The following UBR4 variants were observed in gnomAD, a reference collection of about 807,000 sequenced individuals.
UBR4 encodes E3 ubiquitin-protein ligase UBR4.
Under a neutral mutation model 575.6 loss-of-function variants are expected in UBR4, and 124 were observed. That is an observed-to-expected ratio of 0.22 (90% CI 0.19 to 0.25). The LOEUF (loss-of-function observed/expected upper bound fraction) is 0.25, where lower values mean the gene tolerates loss of function less well. UBR4 is among the 10% of genes least tolerant of loss of function. UBR4 has a pLI of 1.00. For missense variants in UBR4, 4,818 were observed against 6,478.8 expected, an observed-to-expected ratio of 0.74 and a Z score of 8.80; for synonymous variants, 2,455 against 2,473.7, an observed-to-expected ratio of 0.99 and a Z score of 0.22.
Position 19,193,563 on chromosome 1 carries a change from A to G in UBR4, c.1019-6T>C. 1 of 1,612,590 alleles carries G rather than the reference A, an allele frequency of 6.2e-7. No homozygotes were observed. Among genetic ancestry groups the G allele is most frequent in the Non-Finnish European group, 8.5e-7 (1 of 1,179,140 alleles). ...GCACGTTGCCACACTCACACCTGAA[A>G]AAGAAGATGCACAGGTCTCAGCCAT... On this transcript the variant is annotated splice_polypyrimidine_tract_variant and splice_region_variant and intron_variant, in intron 8 of 105. Coordinates refer to ENST00000375254, the MANE Select transcript of UBR4 (RefSeq NM_020765.3).
Position 19,112,660 on chromosome 1 carries a change from C to A in UBR4, c.11665G>T (p.Ala3889Ser). 6.2e-7 allele frequency: 1 copy of A among 1,614,236 alleles called. No individual in the cohort carries two copies. Among genetic ancestry groups the A allele is most frequent in the Non-Finnish European group, 8.5e-7 (1 of 1,180,036 alleles). Residue 3889 changes from alanine (A) to serine (S), a missense_variant, in exon 78 of 106, where the codon GCC becomes TCC. By Grantham distance (99) the Ala-to-Ser change is moderately conservative. Transcript: ENST00000375254. Reference sequence around the variant, plus strand: ...CTCAAGGCTGGGTTGGTGGCCAGGGCCCGAAGTAGTGTGATACAATGTTCT... The same window carrying A: ...CTCAAGGCTGGGTTGGTGGCCAGGGACCGAAGTAGTGTGATACAATGTTCT... ...VTEHCITLLRALATNPALRHI... is the reference protein window; with the variant it reads ...VTEHCITLLRSLATNPALRHI...
In UBR4 at chr1:19,198,765, G is replaced by C. The variant is rs552890245; in HGVS notation, c.508+34C>G. The C allele has an allele frequency of 2.5e-6, 4 of 1,613,280 alleles. No individual in the cohort carries two copies. The African/African-American group carries it at 5.3e-5, about 21-fold the overall frequency. ...CCATGGAAAAGGTGCCATGGGGGTGGTCATGTGATCAGATCTGTCAAAGGA... is the reference window on the plus strand; with the variant it reads ...CCATGGAAAAGGTGCCATGGGGGTGCTCATGTGATCAGATCTGTCAAAGGA... On this transcript the variant is annotated intron_variant, in intron 4 of 105. Transcript: ENST00000375254.
intron 74 of UBR4, among the ~76,000 whole-genome samples, 199 bp downstream of exon 74, chr1:19,115,199 G>GCACACACA (rs61661086): frequency 5.5e-5 from 7 of 127,058 alleles, no homozygotes; most frequent in African/African-American, 2.1e-4. Context: ...GTGTGCACAT[G>GCACACACA]CACACACACA....
chr1:19,201,827 A>G lies in UBR4; in HGVS notation c.177-12T>C. ...GGATTTCTGATTCACTGTAAAAATA[A>G]TAATAATTCAGCCAGCATCTGCTTA... On this transcript the variant is annotated splice_polypyrimidine_tract_variant and intron_variant, in intron 1 of 105. Coordinates refer to ENST00000375254, the MANE Select transcript of UBR4 (RefSeq NM_020765.3). 1 of 1,612,344 alleles carries G rather than the reference A, an allele frequency of 6.2e-7. No individual in the cohort carries two copies. The highest frequency in any genetic ancestry group is 8.5e-7 in the Non-Finnish European group (1 of 1,178,596).
At chr1:19,121,908 C>G (rs755293815) in intron 67 of UBR4, 26 bp downstream of exon 67, 1 of 1,613,504 alleles carries the variant, frequency 6.2e-7, no homozygotes, top group East Asian at 2.2e-5. Flanking sequence ...TGAATAACAG[C>G]AATCAAAAGG....
At chr1:19,124,508 C>T (rs2081522444) in intron 65 of UBR4, 33 bp downstream of exon 65, 2 of 1,611,304 alleles carry the variant, frequency 1.2e-6, no homozygotes, top group Admixed American at 3.3e-5. Context: ...TGTCCTCAGC[C>T]CAACAAGCAT....
chr1:19,075,774 G>C (rs528285732), intron 105 of UBR4, among the ~76,000 whole-genome samples: 1 of 152,350 alleles, frequency 6.6e-6, no homozygotes, highest in African/African-American at 2.4e-5. Flanking sequence ...CCCTTTAGTG[G>C]GTCTCATTCC....
At chr1:19,147,276 T>G (rs2085002312) in intron 51 of UBR4, among the ~76,000 whole-genome samples, 1 of 152,236 alleles carries the variant, frequency 6.6e-6, no homozygotes, top group South Asian at 2.1e-4. Context: ...AACTGCTAGA[T>G]TTCTTTCTCT....
chr1:19,150,254 G>A (rs1218041946), intron 49 of UBR4, among the ~76,000 whole-genome samples: 1 of 152,172 alleles, frequency 6.6e-6, no homozygotes, highest in Non-Finnish European at 1.5e-5. Context: ...ATTTCAGCAA[G>A]CCTGGATCCT....
At chr1:19,150,353 ACTT>A (rs1241719716) in intron 49 of UBR4, among the ~76,000 whole-genome samples, 1 of 152,200 alleles carries the variant, frequency 6.6e-6, no homozygotes, top group East Asian at 1.9e-4. Context: ...AAGGGACAGA[ACTT>A]CTGTCCAGGG....
At chr1:19,086,907 T>C (rs530212767) in intron 99 of UBR4, 86 bp from the exon 100 acceptor site, 1 of 1,547,552 alleles carries the variant, frequency 6.5e-7, no homozygotes, top group South Asian at 1.2e-5. Flanking sequence ...CTGCCGCCCT[T>C]CTTGGGCAAT....
At position 19,179,239 on chromosome 1, in the gene UBR4, A is replaced by G; in HGVS notation, c.2185-19T>C. 6.5e-7 allele frequency: 1 copy of G among 1,544,008 alleles called. No individual in the cohort carries two copies. The highest frequency in any genetic ancestry group is 8.7e-7 in the Non-Finnish European group (1 of 1,152,160). On this transcript the variant is annotated intron_variant, in intron 17 of 105. Transcript: ENST00000375254. ...GTGTGTTCTGACAAGAAAGACATGG[A>G]ACAGAACATTAGCAAACAGATACGG...
chr1:19,170,957 T>C (rs2089450010), intron 25 of UBR4, 74 bp from the exon 26 acceptor site: 2 of 1,604,910 alleles, frequency 1.2e-6, no homozygotes, highest in South Asian at 1.1e-5. Context: ...GGCCCTAGAC[T>C]GGCTGAAAAC....
chr1:19,157,017 G>C lies in UBR4; in HGVS notation c.5761-92C>G. 2.1e-6 allele frequency: 3 copies of C among 1,412,178 alleles called. No homozygotes were observed. The highest frequency in any genetic ancestry group is 2.9e-6 in the Non-Finnish European group (3 of 1,049,998). The allele number at this position is 1,412,178 out of a possible 1,614,324, so 87.5% of individuals were successfully genotyped here. Reference sequence around the variant, plus strand: ...AAAAACTCTTTCAATAGGGATAACAGGTTGCACACTTTTTTCTTTACAGAT... The same window carrying C: ...AAAAACTCTTTCAATAGGGATAACACGTTGCACACTTTTTTCTTTACAGAT... On this transcript the variant is annotated intron_variant, in intron 40 of 105. Transcript: ENST00000375254. This position sits in a 1 kb window ranked among gnomAD's most constrained non-coding sequence, Gnocchi z 4.4.
Position 19,088,622 on chromosome 1 carries a change from G to A in UBR4, c.14430+137C>T. 2.6e-6 allele frequency: 2 copies of A among 761,462 alleles called. No homozygotes were observed. Among genetic ancestry groups the A allele is most frequent in the Non-Finnish European group, 4.3e-6 (2 of 463,056 alleles). The allele number at this position is 761,462 out of a possible 1,614,324, so 47.2% of individuals were successfully genotyped here. A position where few individuals can be genotyped will look rare whatever the true frequency, so the allele number is the denominator to read the frequency against. On this transcript the variant is annotated intron_variant, in intron 98 of 105. Transcript: ENST00000375254. The surrounding 1 kb of genome is among the most constrained non-coding windows in gnomAD (Gnocchi z 4.0). The stretch of plus-strand genomic sequence containing the variant: ...ACGATAGTAGTTCCACCTCTGAGAG[G>A]GCCGAACACACCTAGTTCCTTCCTC...
intron 50 of UBR4, among the ~76,000 whole-genome samples, chr1:19,148,361 T>C (rs754061193): frequency 6.6e-6 from 1 of 152,102 alleles, no homozygotes; most frequent in Non-Finnish European, 1.5e-5. Context: ...CCAACACGCA[T>C]CCTATTCTGT....
At chr1:19,129,171 C>A in intron 60 of UBR4, 97 bp from the exon 61 acceptor site, 2 of 963,656 alleles carry the variant, frequency 2.1e-6, no homozygotes, top group South Asian at 3.0e-5. Context: ...CTACCAAGGT[C>A]AACAAGAAGC....
Position 19,176,508 on chromosome 1 carries a change from C to A in UBR4, c.2773+84G>T, listed in dbSNP as rs570037804. ...TACACTAAAGCAAATGACCAAAGATCCTCCAAGAGTCCCCAAGCTTCAAAT... is the reference window on the plus strand; with the variant it reads ...TACACTAAAGCAAATGACCAAAGATACTCCAAGAGTCCCCAAGCTTCAAAT... On this transcript the variant is annotated intron_variant, in intron 20 of 105. Coordinates refer to ENST00000375254, the MANE Select transcript of UBR4 (RefSeq NM_020765.3). 1.1e-4 allele frequency: 174 copies of A among 1,521,922 alleles called. 1 individual carries two copies. The South Asian group carries it at 2.0e-3, about 18-fold the overall frequency. The allele number at this position is 1,521,922 out of a possible 1,614,324, so 94.3% of individuals were successfully genotyped here. A position where few individuals can be genotyped will look rare whatever the true frequency, so the allele number is the denominator to read the frequency against.
At chr1:19,111,281 G>GT (rs1211033129) in intron 78 of UBR4, among the ~76,000 whole-genome samples, 1 of 152,102 alleles carries the variant, frequency 6.6e-6, no homozygotes, top group Admixed American at 6.6e-5. Context: ...AACACAAACC[G>GT]TATCACTCAC....
Sources: allele counts gnomAD v4.1 joint callset (sites outside exome capture counted in the v4.1 genomes callset), GRCh38; gene constraint gnomAD v4.1.1; non-coding constraint Gnocchi (gnomAD v3.1); transcripts MANE v1.5; gene names NCBI Gene and HGNC (gene_info 2026-07-23, HGNC 2026-07-21).